Variants in NXPH1 observed in about 807,000 individuals in gnomAD.
The protein encoded by NXPH1 is neurexophilin 1.
In NXPH1, 5 loss-of-function variants were observed where a neutral mutation model predicts 23.7. The observed-to-expected ratio is 0.21, with a 90% CI of 0.11 to 0.44. NXPH1 has a LOEUF of 0.44. NXPH1 is among the 20% of genes least tolerant of loss of function. The probability of loss-of-function intolerance (pLI) is 0.99; values close to 1 mark genes in which losing one functional copy is unlikely to be tolerated. For missense variants in NXPH1, 324 were observed against 321.6 expected (o/e 1.01, Z -0.06); for synonymous variants, 144 against 122.2 (o/e 1.18, Z -1.18).
chr7:8,734,472 C>T (rs915473779), intron 2 of NXPH1, among the ~76,000 whole-genome samples: 34 of 152,238 alleles, frequency 2.2e-4, no homozygotes, highest in African/African-American at 7.2e-4. Flanking sequence ...GGCAATATGG[C>T]CAGTTTCACA....
At chr7:8,678,573 A>AG (rs1156723853) in intron 2 of NXPH1, among the ~76,000 whole-genome samples, 1 of 152,054 alleles carries the variant, frequency 6.6e-6, no homozygotes, top group African/African-American at 2.4e-5. Flanking sequence ...GCCAGTGTTC[A>AG]GGGGCACCCA....
chr7:8,722,236 C>A (rs1235431928), intron 2 of NXPH1, among the ~76,000 whole-genome samples: 1 of 151,992 alleles, frequency 6.6e-6, no homozygotes, highest in East Asian at 1.9e-4. Flanking sequence ...TTTATTTTTG[C>A]CTGGGATAGA....
chr7:8,517,928 T>C (rs144379896), intron 2 of NXPH1, among the ~76,000 whole-genome samples: 1 of 152,178 alleles, frequency 6.6e-6, no homozygotes, highest in Non-Finnish European at 1.5e-5. Context: ...TGAAATTGAG[T>C]TTCACATAAG....
chr7:8,706,405 A>G (rs1779707817), intron 2 of NXPH1, among the ~76,000 whole-genome samples: 1 of 152,158 alleles, frequency 6.6e-6, no homozygotes. Context: ...TCCTCCCTCA[A>G]TGCATAACTA....
At chr7:8,561,173 C>T (rs1422513270) in intron 2 of NXPH1, among the ~76,000 whole-genome samples, 2 of 151,592 alleles carry the variant, frequency 1.3e-5, no homozygotes, top group African/African-American at 2.4e-5. Flanking sequence ...TAACTCAATG[C>T]TTCCTTGTGC....
chr7:8,533,389 C>A (rs1290386903), intron 2 of NXPH1, among the ~76,000 whole-genome samples: 1 of 152,036 alleles, frequency 6.6e-6, no homozygotes, highest in East Asian at 1.9e-4. Flanking sequence ...AAATTAGAAT[C>A]CATATCATAA....
At chr7:8,662,195 CATATATATAT>C (rs536366056) in intron 2 of NXPH1, among the ~76,000 whole-genome samples, 1 of 150,850 alleles carries the variant, frequency 6.6e-6, no homozygotes, top group African/African-American at 2.4e-5. Flanking sequence ...TATATACACA[CATATATATAT>C]ACACACACAT....
intron 2 of NXPH1, among the ~76,000 whole-genome samples, chr7:8,620,223 T>C (rs1819836854): frequency 1.3e-5 from 2 of 152,084 alleles, no homozygotes. Flanking sequence ...ACTCAGTGAG[T>C]TTATTGAAAG....
rs570857247 is a variant in NXPH1, at chr7:8,751,779, T to C, written c.*10T>C. On this transcript the variant is annotated 3_prime_UTR_variant, in exon 3 of 3. Coordinates refer to ENST00000405863, the MANE Select transcript of NXPH1 (RefSeq NM_152745.3). This position sits in a 1 kb window ranked among gnomAD's most constrained non-coding sequence, Gnocchi z 4.5. Reference sequence around the variant, plus strand: ...CTTTCCCTCGGGATGAAGGTGAACATGGGGGTGAGACTGAAGCCTGAGGAA... The same window carrying C: ...CTTTCCCTCGGGATGAAGGTGAACACGGGGGTGAGACTGAAGCCTGAGGAA... The C allele has an allele frequency of 1.9e-6, 3 of 1,600,924 alleles. No individual in the cohort carries two copies. The highest frequency in any genetic ancestry group is 1.3e-5 in the African/African-American group (1 of 74,680).
intron 2 of NXPH1, among the ~76,000 whole-genome samples, chr7:8,692,642 T>C (rs1821239963): frequency 6.6e-6 from 1 of 152,174 alleles, no homozygotes; most frequent in African/African-American, 2.4e-5. Flanking sequence ...TAAAATATTA[T>C]GGGAAAAGTC....
chr7:8,483,877 T>A (rs1324179885), intron 2 of NXPH1, among the ~76,000 whole-genome samples: 1 of 152,066 alleles, frequency 6.6e-6, no homozygotes, highest in Non-Finnish European at 1.5e-5. Flanking sequence ...TTATTAACTT[T>A]CCTTTTATAT....
At chr7:8,532,052 C>T (rs1475043891) in intron 2 of NXPH1, among the ~76,000 whole-genome samples, 1 of 152,148 alleles carries the variant, frequency 6.6e-6, no homozygotes, top group Non-Finnish European at 1.5e-5. Flanking sequence ...TAATTCTGCT[C>T]TGTGCTCCAT....
intron 2 of NXPH1, among the ~76,000 whole-genome samples, chr7:8,636,556 T>C (rs911106275): frequency 6.6e-6 from 1 of 152,156 alleles, no homozygotes; most frequent in Non-Finnish European, 1.5e-5. Context: ...GGATAGCAAA[T>C]TGATTCAATT....
At chr7:8,701,464 T>G (rs978462057) in intron 2 of NXPH1, among the ~76,000 whole-genome samples, 3 of 152,120 alleles carry the variant, frequency 2.0e-5, no homozygotes, top group Non-Finnish European at 4.4e-5. Flanking sequence ...TACTTCTTAT[T>G]GTTCTCCCCC....
chr7:8,466,398 T>C (rs528460087), intron 2 of NXPH1, among the ~76,000 whole-genome samples: 1 of 152,300 alleles, frequency 6.6e-6, no homozygotes, highest in Non-Finnish European at 1.5e-5. Context: ...GAACCAGTGA[T>C]GTATGGAAGC....
intron 2 of NXPH1, among the ~76,000 whole-genome samples, chr7:8,687,723 A>G (rs914751647): frequency 1.8e-4 from 27 of 152,184 alleles, no homozygotes; most frequent in African/African-American, 6.5e-4. Flanking sequence ...CAATATGATG[A>G]TATCTGTACA....
At chr7:8,681,669 A>G (rs1247281024) in intron 2 of NXPH1, among the ~76,000 whole-genome samples, 1 of 152,216 alleles carries the variant, frequency 6.6e-6, no homozygotes, top group Non-Finnish European at 1.5e-5. Context: ...ATTCCATAAT[A>G]TACAATGTAT....
intron 2 of NXPH1, among the ~76,000 whole-genome samples, chr7:8,618,528 G>A (rs973292465): frequency 6.6e-6 from 1 of 152,092 alleles, no homozygotes; most frequent in Non-Finnish European, 1.5e-5. Context: ...TACTCTTTAT[G>A]TGCTTGTATT....
At chr7:8,660,356 C>CTTAA (rs2115161131) in intron 2 of NXPH1, among the ~76,000 whole-genome samples, 1 of 152,218 alleles carries the variant, frequency 6.6e-6, no homozygotes, top group East Asian at 1.9e-4. Flanking sequence ...ACTTACTGAA[C>CTTAA]CTTTAGCTCT....
Sources: allele counts gnomAD v4.1 joint callset (sites outside exome capture counted in the v4.1 genomes callset), GRCh38; gene constraint gnomAD v4.1.1; non-coding constraint Gnocchi (gnomAD v3.1); transcripts MANE v1.5; gene names NCBI Gene and HGNC (gene_info 2026-07-23, HGNC 2026-07-21).